Variants in SH3D19 observed in about 807,000 individuals in gnomAD.
The protein encoded by SH3D19 is SH3 domain containing 19.
Under a neutral mutation model 112.1 loss-of-function variants are expected in SH3D19, and 58 were observed. The ratio of observed to expected loss-of-function variants is 0.52; its 90% confidence interval spans 0.42 to 0.64. The LOEUF (loss-of-function observed/expected upper bound fraction) is 0.64, where lower values mean the gene tolerates loss of function less well. SH3D19 is among the 30% of genes least tolerant of loss of function. SH3D19 has a pLI of 0.00. For synonymous variants in SH3D19, 391 were observed against 448.5 expected (o/e 0.87, Z 1.62); for missense variants, 1,090 against 1,263.4 (o/e 0.86, Z 2.08).
intron 2 of SH3D19, 77 bp downstream of exon 2, chr4:151,225,970 A>G (rs1768922871): frequency 6.3e-6 from 6 of 950,058 alleles, no homozygotes; most frequent in Non-Finnish European, 6.8e-6. Flanking sequence ...TCTAAAGAGG[A>G]CACTTACATT....
At chr4:151,150,482 T>C (rs1410910314) in intron 9 of SH3D19, among the ~76,000 whole-genome samples, 1 of 151,714 alleles carries the variant, frequency 6.6e-6, no homozygotes, top group Non-Finnish European at 1.5e-5. Context: ...CTCATCACTG[T>C]TTGGTTTCAA....
intron 1 of SH3D19, among the ~76,000 whole-genome samples, chr4:151,321,330 C>A (rs947933608): frequency 1.3e-5 from 2 of 152,062 alleles, no homozygotes; most frequent in African/African-American, 2.4e-5. Context: ...TCCGCCTATT[C>A]CCCCCACCCT....
chr4:151,280,337 C>G (rs1774094769), intron 1 of SH3D19, among the ~76,000 whole-genome samples: 1 of 152,094 alleles, frequency 6.6e-6, no homozygotes, highest in Non-Finnish European at 1.5e-5. Flanking sequence ...CATCTCTAGT[C>G]AACAGCGAGA....
intron 1 of SH3D19, chr4:151,228,105 C>CA: frequency 1.1e-6 from 1 of 888,602 alleles, no homozygotes; most frequent in Non-Finnish European, 1.3e-6. Context: ...TAAGAAAATA[C>CA]AAATGTCTTC....
intron 1 of SH3D19, among the ~76,000 whole-genome samples, chr4:151,308,615 T>C (rs11935905): frequency 0.31 from 47,183 of 152,050 alleles, 7,702 homozygotes; most frequent in East Asian, 0.47. Context: ...CTGTGCAGAA[T>C]TGTGGCTGAC....
chr4:151,156,131 C>T (rs557173816), intron 9 of SH3D19, among the ~76,000 whole-genome samples: 6 of 152,058 alleles, frequency 3.9e-5, no homozygotes, highest in Non-Finnish European at 7.4e-5. Flanking sequence ...AAGACCTCTA[C>T]AAGGAAAACT....
At chr4:151,211,308 ATGT>A (rs1181634756) in intron 2 of SH3D19, among the ~76,000 whole-genome samples, 4 of 152,002 alleles carry the variant, frequency 2.6e-5, no homozygotes, top group Middle Eastern at 3.2e-3. Flanking sequence ...TAATGGATAA[ATGT>A]TGTGTGTGTT....
chr4:151,241,071 G>C (rs2149967426), intron 1 of SH3D19, among the ~76,000 whole-genome samples: 1 of 151,836 alleles, frequency 6.6e-6, no homozygotes, highest in Non-Finnish European at 1.5e-5. Context: ...GATTGCCTTA[G>C]CCCAGGAGTT....
At chr4:151,228,195 TC>T (rs1200950546) in intron 1 of SH3D19, among the ~76,000 whole-genome samples, 1 of 152,088 alleles carries the variant, frequency 6.6e-6, no homozygotes, top group Non-Finnish European at 1.5e-5. Flanking sequence ...TTTAAAATTT[TC>T]CCCCCAAATT....
At chr4:151,257,624 A>G (rs1002786377) in intron 1 of SH3D19, among the ~76,000 whole-genome samples, 3 of 152,150 alleles carry the variant, frequency 2.0e-5, no homozygotes, top group African/African-American at 7.2e-5. Context: ...GCTATTAAAA[A>G]TAGTAACCGT....
At chr4:151,228,015 C>G (rs181900879) in intron 1 of SH3D19, 2 of 985,368 alleles carry the variant, frequency 2.0e-6, no homozygotes, top group East Asian at 2.3e-4. Flanking sequence ...TGTGGCCACT[C>G]AGGAAGCAAA....
chr4:151,236,247 G>A (rs572925402), intron 1 of SH3D19, among the ~76,000 whole-genome samples: 55 of 152,388 alleles, frequency 3.6e-4, no homozygotes, highest in African/African-American at 1.2e-3. Context: ...AGGTGCAAGC[G>A]GGAGCCGGGG....
At chr4:151,137,945 T>C in intron 13 of SH3D19, 83 bp from the exon 14 acceptor site, 1 of 1,139,644 alleles carries the variant, frequency 8.8e-7, no homozygotes, top group South Asian at 1.8e-5. Flanking sequence ...TTTAGTTGTG[T>C]CCACTGAGGC....
At chr4:151,301,942 AG>A (rs1728465532) in intron 1 of SH3D19, among the ~76,000 whole-genome samples, 1 of 152,184 alleles carries the variant, frequency 6.6e-6, no homozygotes, top group Non-Finnish European at 1.5e-5. Flanking sequence ...ACACACAAAG[AG>A]GTCCAAAACC....
intron 1 of SH3D19, among the ~76,000 whole-genome samples, chr4:151,311,825 G>C (rs1228985007): frequency 6.6e-6 from 1 of 152,222 alleles, no homozygotes; most frequent in Non-Finnish European, 1.5e-5. Context: ...GGGCAACAGA[G>C]TGAGACCCTG....
chr4:151,255,069 GCGGGGGGC>G (rs1771737956), intron 1 of SH3D19, among the ~76,000 whole-genome samples: 1 of 148,870 alleles, frequency 6.7e-6, no homozygotes, highest in African/African-American at 2.5e-5. Flanking sequence ...GGCTGGCCGG[GCGGGGGGC>G]TGACCCCCAC....
chr4:151,311,765 G>C (rs2897606), intron 1 of SH3D19, among the ~76,000 whole-genome samples: 1 of 152,014 alleles, frequency 6.6e-6, no homozygotes, highest in African/African-American at 2.4e-5. Context: ...ATTTGAGCCC[G>C]GGAGGTCAAG....
chr4:151,242,135 G>A (rs1770606686), intron 1 of SH3D19, among the ~76,000 whole-genome samples: 1 of 152,048 alleles, frequency 6.6e-6, no homozygotes, highest in Admixed American at 6.6e-5. Flanking sequence ...AGGCTCCAGT[G>A]GAGCATACCA....
At chr4:151,279,395 A>C (rs927419912) in intron 1 of SH3D19, among the ~76,000 whole-genome samples, 2 of 152,186 alleles carry the variant, frequency 1.3e-5, no homozygotes, top group African/African-American at 4.8e-5. Context: ...TGTGCTGCTA[A>C]AGAAGGCAGG....
Sources: allele counts gnomAD v4.1 joint callset (sites outside exome capture counted in the v4.1 genomes callset), GRCh38; gene constraint gnomAD v4.1.1; transcripts MANE v1.5; gene names NCBI Gene and HGNC (gene_info 2026-07-23, HGNC 2026-07-21).